The following LDB2 variants were observed in gnomAD, a reference collection of about 807,000 sequenced individuals.
LDB2 encodes the protein LIM domain binding 2, also known as LIM domain-binding protein 2.
LDB2 carries 12 observed loss-of-function variants against 44.3 expected under a neutral mutation model. The ratio of observed to expected loss-of-function variants is 0.27; its 90% confidence interval spans 0.17 to 0.44. The LOEUF is 0.44. Ranked by LOEUF, LDB2 falls within the 20% of genes least tolerant of loss-of-function variation. The pLI, the probability that LDB2 is intolerant of heterozygous loss-of-function variation, is 1.00. For missense variants in LDB2, 344 were observed against 473.5 expected, an observed-to-expected ratio of 0.73 and a Z score of 2.54; for synonymous variants, 164 against 174.8, an observed-to-expected ratio of 0.94 and a Z score of 0.49.
At chr4:16,698,075 T>C (rs1752610943) in intron 2 of LDB2, among the ~76,000 whole-genome samples, 1 of 152,240 alleles carries the variant, frequency 6.6e-6, no homozygotes, top group African/African-American at 2.4e-5. Context: ...GTTAATAATA[T>C]GTCTTGGAAA....
At chr4:16,853,209 GA>G (rs925478671) in intron 1 of LDB2, among the ~76,000 whole-genome samples, 2 of 152,046 alleles carry the variant, frequency 1.3e-5, no homozygotes, top group African/African-American at 4.8e-5. Flanking sequence ...TATGGATTGA[GA>G]AAAAATATTT....
intron 5 of LDB2, among the ~76,000 whole-genome samples, chr4:16,539,408 A>C (rs1732983097): frequency 1.3e-5 from 2 of 152,202 alleles, no homozygotes; most frequent in Admixed American, 1.3e-4. Flanking sequence ...ATGGAACTAG[A>C]AGGATAAGCA....
intron 2 of LDB2, among the ~76,000 whole-genome samples, chr4:16,744,144 G>GTGGT (rs1763894913): frequency 6.8e-6 from 1 of 146,490 alleles, no homozygotes; most frequent in Non-Finnish European, 1.5e-5. Context: ...ATAGACTCAT[G>GTGGT]TGGTTTGTTT....
intron 5 of LDB2, among the ~76,000 whole-genome samples, chr4:16,518,486 T>G (rs992036331): frequency 6.7e-6 from 1 of 150,216 alleles, no homozygotes; most frequent in Non-Finnish European, 1.5e-5. Flanking sequence ...CTTGTGTTGT[T>G]TTTTTTTTCG....
At chr4:16,749,567 AAAAAAT>A (rs1765052569) in intron 2 of LDB2, among the ~76,000 whole-genome samples, 3 of 137,032 alleles carry the variant, frequency 2.2e-5, no homozygotes, top group African/African-American at 5.8e-5. Flanking sequence ...TCAAAAAAAA[AAAAAAT>A]AAAAAAATAA....
intron 3 of LDB2, among the ~76,000 whole-genome samples, chr4:16,591,593 G>T (rs1408588745): frequency 1.3e-5 from 2 of 152,108 alleles, no homozygotes; most frequent in East Asian, 3.9e-4. Context: ...TCTTCCCCAA[G>T]TAATTACACC....
chr4:16,540,996 A>G (rs1733569018), intron 5 of LDB2, among the ~76,000 whole-genome samples: 1 of 152,224 alleles, frequency 6.6e-6, no homozygotes, highest in Non-Finnish European at 1.5e-5. Flanking sequence ...TAGTAGTATA[A>G]GGATTGATTA....
intron 1 of LDB2, among the ~76,000 whole-genome samples, chr4:16,800,744 G>A (rs1453640863): frequency 3.3e-5 from 5 of 152,240 alleles, no homozygotes; most frequent in East Asian, 1.9e-4. Context: ...GCGCAATCTC[G>A]GCTCACTGCC....
chr4:16,763,493 C>G (rs1375052659), intron 1 of LDB2, among the ~76,000 whole-genome samples: 6 of 137,968 alleles, frequency 4.3e-5, no homozygotes, highest in African/African-American at 1.6e-4. Flanking sequence ...TTGAATTAGT[C>G]TTTAGTTATG....
intron 2 of LDB2, among the ~76,000 whole-genome samples, chr4:16,757,203 G>A (rs975390063): frequency 2.6e-5 from 4 of 152,152 alleles, no homozygotes; most frequent in Admixed American, 2.0e-4. Flanking sequence ...CATCTTCCTT[G>A]TCTCTCAGTC....
chr4:16,674,383 G>A, intron 2 of LDB2: 1 of 720,604 alleles, frequency 1.4e-6, no homozygotes, highest in South Asian at 1.4e-5. Context: ...CCTGGAGGCG[G>A]TGTTAGAAGC....
intron 5 of LDB2, among the ~76,000 whole-genome samples, chr4:16,520,100 T>G (rs6843498): frequency 0.33 from 50,697 of 151,478 alleles, 8,516 homozygotes; most frequent in East Asian, 0.4. Context: ...TACCAAATGT[T>G]CAACTCCACA....
intron 2 of LDB2, among the ~76,000 whole-genome samples, chr4:16,644,712 G>C (rs1736210264): frequency 6.6e-6 from 1 of 152,178 alleles, no homozygotes; most frequent in South Asian, 2.1e-4. Context: ...TTATAGGCAT[G>C]AGTCACTGCA....
chr4:16,533,095 C>T lies in LDB2; in HGVS notation c.616-20991G>A, dbSNP rs967330962. Reference sequence around the variant, plus strand: ...GTCCCAGATTTTAAAACTAGAAGTTCCAGATCCCAGGAAACCTCTCAGTCC... The same window carrying T: ...GTCCCAGATTTTAAAACTAGAAGTTTCAGATCCCAGGAAACCTCTCAGTCC... On this transcript the variant is annotated intron_variant, in intron 5 of 7. Coordinates refer to ENST00000304523, the MANE Select transcript of LDB2 (RefSeq NM_001290.5). The surrounding 1 kb of genome is among the most constrained non-coding windows in gnomAD (Gnocchi z 4.1). Among the ~76,000 whole-genome samples the T allele has an allele frequency of 2.0e-5, 3 of 152,146 alleles. No homozygotes were observed. The highest frequency in any genetic ancestry group is 7.2e-5 in the African/African-American group (3 of 41,436).
At chr4:16,706,480 C>T (rs927528108) in intron 2 of LDB2, among the ~76,000 whole-genome samples, 20 of 152,234 alleles carry the variant, frequency 1.3e-4, no homozygotes, top group African/African-American at 3.4e-4. Context: ...TCTAGAACTG[C>T]GAGAAATAAA....
intron 3 of LDB2, among the ~76,000 whole-genome samples, chr4:16,589,677 C>T (rs191450407): frequency 6.6e-5 from 10 of 152,198 alleles, no homozygotes; most frequent in African/African-American, 9.6e-5. Context: ...TATGCAATCA[C>T]GAACCGCTGA....
intron 2 of LDB2, among the ~76,000 whole-genome samples, chr4:16,715,630 G>A (rs1756915652): frequency 6.6e-6 from 1 of 152,138 alleles, no homozygotes; most frequent in African/African-American, 2.4e-5. Flanking sequence ...ACACAAATAA[G>A]TGAAAACATT....
At chr4:16,769,309 T>A (rs1770092726) in intron 1 of LDB2, among the ~76,000 whole-genome samples, 1 of 151,644 alleles carries the variant, frequency 6.6e-6, no homozygotes, top group African/African-American at 2.4e-5. Context: ...TTTTTATTTT[T>A]TTTTGAGATG....
Position 16,595,698 on chromosome 4 carries a change from T to C in LDB2, c.408+5A>G, listed in dbSNP as rs772388913. Reference sequence around the variant, plus strand: ...GCCGGGCATGTGACAGAGCCTGTCCTGTACCTTGGTAAACATGGGCTTCCC... The same window carrying C: ...GCCGGGCATGTGACAGAGCCTGTCCCGTACCTTGGTAAACATGGGCTTCCC... On this transcript the variant is annotated splice_donor_5th_base_variant and intron_variant, in intron 3 of 7. Transcript: ENST00000304523. 4 of 1,612,842 alleles carry C rather than the reference T, an allele frequency of 2.5e-6. No individual in the cohort carries two copies. In the South Asian group the frequency reaches 4.4e-5, roughly 18 times the overall value.
Sources: gnomAD v4.1 joint callset for allele counts (sites outside exome capture counted in the v4.1 genomes callset) on GRCh38, gnomAD v4.1.1 for gene constraint, Gnocchi (gnomAD v3.1) non-coding constraint, MANE v1.5 for transcripts, NCBI Gene and HGNC (gene_info 2026-07-23, HGNC 2026-07-21) for gene names.